The following YWHAQ variants were observed in gnomAD, a reference collection of about 807,000 sequenced individuals.
YWHAQ encodes tyrosine 3-monooxygenase/tryptophan 5-monooxygenase activation protein theta.
Under a neutral mutation model 28.3 loss-of-function variants are expected in YWHAQ, and 6 were observed. The observed-to-expected ratio is 0.21, with a 90% CI of 0.12 to 0.42. The LOEUF (loss-of-function observed/expected upper bound fraction) is 0.42, where lower values mean the gene tolerates loss of function less well. Ranked by LOEUF, YWHAQ falls within the 10% of genes least tolerant of loss-of-function variation. YWHAQ has a pLI of 1.00. For synonymous variants in YWHAQ, 143 were observed against 119.1 expected (o/e 1.20, Z -1.31); for missense variants, 201 against 305.6 (o/e 0.66, Z 2.55).
Position 9,591,128 on chromosome 2 carries a change from C to T in YWHAQ, c.418+264G>A, listed in dbSNP as rs80054018. Reference sequence around the variant, plus strand: ...TATGGTGAACCAAAATTCTAAAAAGCATAAAAGATTAATCCTGTTTTAAAT... The same window carrying T: ...TATGGTGAACCAAAATTCTAAAAAGTATAAAAGATTAATCCTGTTTTAAAT... On this transcript the variant is annotated intron_variant, in intron 3 of 5. Coordinates refer to ENST00000238081, the MANE Select transcript of YWHAQ (RefSeq NM_006826.4). 2.7e-3 allele frequency among the ~76,000 whole-genome samples: 409 copies of T among 152,220 alleles called. 2 individuals are homozygous for T. Among genetic ancestry groups the T allele is most frequent in the African/African-American group, 9.5e-3 (393 of 41,536 alleles).
intron 2 of YWHAQ, among the ~76,000 whole-genome samples, chr2:9,594,433 A>T (rs940377573): frequency 6.6e-6 from 1 of 152,202 alleles, no homozygotes; most frequent in Non-Finnish European, 1.5e-5. Context: ...CAATAGTGAG[A>T]TAGTCACAAA....
chr2:9,585,392 A>G lies in YWHAQ; in HGVS notation c.679-47T>C, dbSNP rs752671424. 1.1e-5 allele frequency: 17 copies of G among 1,594,446 alleles called. No homozygotes were observed. In the Admixed American group the frequency reaches 2.7e-4, roughly 25 times the overall value. On this transcript the variant is annotated intron_variant, in intron 5 of 5. Transcript: ENST00000238081. ...TAAGTTACTATTTCTAGATTAGGCA[A>G]TTACACTAAGTAGTATTGTTATATC...
intron 5 of YWHAQ, among the ~76,000 whole-genome samples, chr2:9,586,170 T>C (rs1335041193): frequency 6.6e-6 from 1 of 152,126 alleles, no homozygotes; most frequent in African/African-American, 2.4e-5. Flanking sequence ...TAAATAGAAG[T>C]GGGTGATGGA....
rs769900540 is a variant in YWHAQ, at chr2:9,588,305, C to T, written c.442G>A (p.Ala148Thr). Residue 148 changes from alanine to threonine, a missense_variant, in exon 4 of 6, where the codon GCT (alanine) becomes ACT (threonine). Physicochemically the swap from Ala to Thr is moderately conservative, Grantham distance 58. This residue lies in a region of YWHAQ where 162 missense variants were observed against 213.9 expected (regional missense o/e 0.76). Transcript: ENST00000238081. ...CTTATATCAAATGCCTCTTGGTAAG[C>T]TCCTTGGGAATTATCTATCGTTTCT... is the stretch of plus-strand genomic sequence containing the variant. Reference protein sequence around the residue: ...RKQTIDNSQGAYQEAFDISKK... With the variant: ...RKQTIDNSQGTYQEAFDISKK... The T allele has an allele frequency of 1.2e-6, 2 of 1,608,828 alleles. No individual in the cohort carries two copies. Among genetic ancestry groups the T allele is most frequent in the South Asian group, 2.2e-5 (2 of 89,846 alleles).
intron 2 of YWHAQ, among the ~76,000 whole-genome samples, chr2:9,595,550 C>T (rs777233266): frequency 2.6e-5 from 4 of 151,806 alleles, no homozygotes; most frequent in Non-Finnish European, 5.9e-5. Flanking sequence ...ACTAAAAATA[C>T]AAAATTAGCC....
At chr2:9,600,486 A>C (rs1198743478) in intron 2 of YWHAQ, among the ~76,000 whole-genome samples, 2 of 152,142 alleles carry the variant, frequency 1.3e-5, no homozygotes, top group Non-Finnish European at 2.9e-5. Flanking sequence ...CGGGCAGATC[A>C]CCTGAGGTCA....
intron 2 of YWHAQ, among the ~76,000 whole-genome samples, chr2:9,602,933 G>A (rs1572994532): frequency 7.9e-6 from 1 of 126,822 alleles, no homozygotes; most frequent in African/African-American, 2.9e-5. Context: ...ATGTTGCCTA[G>A]GCTGGTCTTG....
At chr2:9,611,799 T>A (rs1379354560) in intron 2 of YWHAQ, among the ~76,000 whole-genome samples, 1 of 152,126 alleles carries the variant, frequency 6.6e-6, no homozygotes, top group Non-Finnish European at 1.5e-5. Flanking sequence ...GCCACCCGAG[T>A]AGCTGGGATT....
chr2:9,618,674 ATTTTTT>A (rs34048944), intron 2 of YWHAQ, among the ~76,000 whole-genome samples: 1 of 134,604 alleles, frequency 7.4e-6, no homozygotes, highest in Non-Finnish European at 1.6e-5. Context: ...CACTGTTTTG[ATTTTTT>A]TTTTTTTTTT....
chr2:9,585,439 A>T, intron 5 of YWHAQ, 94 bp from the exon 6 acceptor site: 5 of 1,349,874 alleles, frequency 3.7e-6, no homozygotes, highest in South Asian at 1.2e-5. Context: ...CAAGAGTAGT[A>T]AATTCCTCAA....
Position 9,630,745 on chromosome 2 carries a change from C to G in YWHAQ, c.-83+196G>C, listed in dbSNP as rs1408634351. On this transcript the variant is annotated intron_variant, in intron 1 of 5. Coordinates refer to ENST00000238081, the MANE Select transcript of YWHAQ (RefSeq NM_006826.4). This position sits in a 1 kb window ranked among gnomAD's most constrained non-coding sequence, Gnocchi z 5.6. ...GCGGAGGCCCCGCGCGCAGGGAGCC[C>G]GAGCCGCGGCCGCTCCCGCCACCCC... The G allele has an allele frequency of 6.5e-6, 1 of 153,698 alleles. No individual in the cohort carries two copies. The highest frequency in any genetic ancestry group is 1.4e-5 in the Non-Finnish European group (1 of 69,738). The allele number at this position is 153,698 out of a possible 1,614,324, so 9.5% of individuals were successfully genotyped here.
Position 9,630,469 on chromosome 2 carries a change from G to A in YWHAQ, c.-17C>T, listed in dbSNP as rs1458532792. The A allele has an allele frequency of 1.9e-6, 3 of 1,577,458 alleles. No individual in the cohort carries two copies. The highest frequency in any genetic ancestry group is 3.4e-5 in the Admixed American group (2 of 58,046). On this transcript the variant is annotated 5_prime_UTR_variant, in exon 2 of 6. Transcript: ENST00000238081. The surrounding 1 kb of genome is among the most constrained non-coding windows in gnomAD (Gnocchi z 5.6). ...CTTCTCCATGGCGGGCGCGGGGCCG[G>A]GGCCGGGGCGGAGGGCGAGGAGAGC...
chr2:9,610,506 T>A (rs909251444), intron 2 of YWHAQ, among the ~76,000 whole-genome samples: 2 of 152,176 alleles, frequency 1.3e-5, no homozygotes, highest in Non-Finnish European at 2.9e-5. Context: ...ACTGGAACTT[T>A]AAACTTTACT....
At chr2:9,623,808 T>A (rs902882433) in intron 2 of YWHAQ, among the ~76,000 whole-genome samples, 6 of 151,684 alleles carry the variant, frequency 4.0e-5, no homozygotes, top group Admixed American at 6.6e-5. Flanking sequence ...AAATTAAATT[T>A]AAAAAGTCTG....
At chr2:9,628,257 C>T (rs1364195823) in intron 2 of YWHAQ, among the ~76,000 whole-genome samples, 1 of 150,966 alleles carries the variant, frequency 6.6e-6, no homozygotes, top group Non-Finnish European at 1.5e-5. Flanking sequence ...ATTCATCAAA[C>T]TAAACTATTC....
rs113067849 is a variant in YWHAQ at position 9,607,034 on chromosome 2, G to A, written c.295-15519C>T. 4.5e-4 allele frequency among the ~76,000 whole-genome samples: 67 copies of A among 149,416 alleles called. No homozygotes were observed. In the East Asian group the frequency reaches 8.7e-3, roughly 19 times the overall value. Reference sequence around the variant, plus strand: ...CAAGTAGCTGGGATTACACGTGCGCGACACCATACCCGGCTAATTTTTGTA... The same window carrying A: ...CAAGTAGCTGGGATTACACGTGCGCAACACCATACCCGGCTAATTTTTGTA... On this transcript the variant is annotated intron_variant, in intron 2 of 5. Coordinates refer to ENST00000238081, the MANE Select transcript of YWHAQ (RefSeq NM_006826.4).
intron 2 of YWHAQ, among the ~76,000 whole-genome samples, chr2:9,603,782 G>T (rs1666762806): frequency 6.6e-6 from 1 of 151,780 alleles, no homozygotes; most frequent in Admixed American, 6.6e-5. Flanking sequence ...AAAACTAGCT[G>T]GGCGTGGTGG....
chr2:9,594,527 A>G (rs1010483920), intron 2 of YWHAQ, among the ~76,000 whole-genome samples: 4 of 152,204 alleles, frequency 2.6e-5, no homozygotes, highest in African/African-American at 9.7e-5. Context: ...GAAGGCAAAC[A>G]TAGTATTTAT....
chr2:9,605,314 T>C (rs867176349), intron 2 of YWHAQ, among the ~76,000 whole-genome samples: 2 of 151,752 alleles, frequency 1.3e-5, no homozygotes, highest in South Asian at 2.1e-4. Context: ...ATTTTTGTAT[T>C]TTTTTGTAGA....
Sources: allele counts gnomAD v4.1 joint callset (sites outside exome capture counted in the v4.1 genomes callset), GRCh38; gene constraint gnomAD v4.1.1; regional missense constraint gnomAD v4.1.1; non-coding constraint Gnocchi (gnomAD v3.1); transcripts MANE v1.5; gene names NCBI Gene and HGNC (gene_info 2026-07-23, HGNC 2026-07-21).